The following SAMD3 variants were observed in gnomAD, a reference collection of about 807,000 sequenced individuals.
SAMD3 encodes the protein sterile alpha motif domain containing 3.
A neutral mutation model predicts 58.5 loss-of-function variants in SAMD3; 63 were observed. That is an observed-to-expected ratio of 1.08 (90% CI 0.88 to 1.33). SAMD3 has a LOEUF of 1.33. Ranked by LOEUF, SAMD3 falls within the 40% of genes most tolerant of loss-of-function variation. The probability of loss-of-function intolerance (pLI) is 0.00; values close to 1 mark genes in which losing one functional copy is unlikely to be tolerated. For synonymous variants in SAMD3, 220 were observed against 210.3 expected (o/e 1.05, Z -0.40); for missense variants, 604 against 608.4 (o/e 0.99, Z 0.08).
At chr6:130,290,725 C>T (rs1775334858) in intron 2 of SAMD3, among the ~76,000 whole-genome samples, 1 of 152,116 alleles carries the variant, frequency 6.6e-6, no homozygotes, top group South Asian at 2.1e-4. Flanking sequence ...CCTTACAGAG[C>T]TGTTGTGAGA....
chr6:130,350,187 C>T (rs1356882279), intron 1 of SAMD3, among the ~76,000 whole-genome samples: 1 of 152,186 alleles, frequency 6.6e-6, no homozygotes, highest in African/African-American at 2.4e-5. Context: ...TCTCTCACCA[C>T]TCCTATTCAA....
chr6:130,347,497 T>A (rs1242985989), intron 1 of SAMD3, among the ~76,000 whole-genome samples: 2 of 152,004 alleles, frequency 1.3e-5, no homozygotes, highest in African/African-American at 4.8e-5. Context: ...ATCAAATGAA[T>A]GAAACGAAGT....
At chr6:130,186,463 A>G (rs539373502) in intron 5 of SAMD3, among the ~76,000 whole-genome samples, 2 of 152,254 alleles carry the variant, frequency 1.3e-5, no homozygotes, top group Admixed American at 1.3e-4. Flanking sequence ...TGTCCTGGCT[A>G]AAATAAGCAC....
At chr6:130,272,861 G>A (rs7766914) in intron 2 of SAMD3, among the ~76,000 whole-genome samples, 5 of 152,118 alleles carry the variant, frequency 3.3e-5, no homozygotes, top group African/African-American at 9.7e-5. Flanking sequence ...AACTTTTAAC[G>A]ATGGCCTACT....
intron 2 of SAMD3, among the ~76,000 whole-genome samples, chr6:130,255,855 C>G (rs1239642781): frequency 7.0e-6 from 1 of 142,014 alleles, no homozygotes; most frequent in Admixed American, 7.1e-5. Flanking sequence ...TGGGTCTTGT[C>G]TTTTTTTTTT....
intron 8 of SAMD3, among the ~76,000 whole-genome samples, 159 bp from the exon 9 acceptor site, chr6:130,155,184 G>C (rs1392397876): frequency 2.0e-5 from 3 of 152,100 alleles, no homozygotes; most frequent in African/African-American, 7.2e-5. Flanking sequence ...AGTCTTTAAT[G>C]ACAATAAATT....
chr6:130,291,384 T>C (rs1021036804), intron 2 of SAMD3, among the ~76,000 whole-genome samples: 2 of 152,180 alleles, frequency 1.3e-5, no homozygotes, highest in African/African-American at 4.8e-5. Flanking sequence ...GGATTACAGG[T>C]GTGAGCCACC....
chr6:130,290,462 C>G (rs1775327387), intron 2 of SAMD3, among the ~76,000 whole-genome samples: 1 of 152,164 alleles, frequency 6.6e-6, no homozygotes, highest in Admixed American at 6.5e-5. Context: ...CGAGGTTTAC[C>G]TTTTAAATGT....
At chr6:130,350,722 T>A (rs890702638) in intron 1 of SAMD3, among the ~76,000 whole-genome samples, 1 of 152,194 alleles carries the variant, frequency 6.6e-6, no homozygotes, top group African/African-American at 2.4e-5. Flanking sequence ...GAAAAACTAC[T>A]TTAAAGTTCA....
intron 7 of SAMD3, chr6:130,183,392 G>T: frequency 2.2e-6 from 1 of 454,618 alleles, no homozygotes; most frequent in Non-Finnish European, 4.4e-6. Flanking sequence ...GCATCCTGAG[G>T]GTCTGTTTTT....
At chr6:130,207,529 C>T (rs1055858293) in intron 5 of SAMD3, among the ~76,000 whole-genome samples, 6 of 152,306 alleles carry the variant, frequency 3.9e-5, no homozygotes, top group Non-Finnish European at 7.3e-5. Flanking sequence ...TGTGGACTGG[C>T]TGCATTTAGC....
intron 5 of SAMD3, among the ~76,000 whole-genome samples, chr6:130,204,246 AG>A (rs1156257050): frequency 1.3e-5 from 2 of 152,172 alleles, no homozygotes; most frequent in Non-Finnish European, 2.9e-5. Context: ...ACTAAAAGAG[AG>A]GTGAACAGTT....
At chr6:130,336,513 A>G (rs1394997532) in intron 1 of SAMD3, among the ~76,000 whole-genome samples, 1 of 152,238 alleles carries the variant, frequency 6.6e-6, no homozygotes, top group Non-Finnish European at 1.5e-5. Flanking sequence ...AACTGGTTCC[A>G]TATTTATTTT....
At position 130,359,448 on chromosome 6, in the gene SAMD3, CCT is replaced by C. The variant is rs1174460596; in HGVS notation, c.-304+5670_-304+5671del. Among the ~76,000 whole-genome samples the C allele has an allele frequency of 2.0e-5, 3 of 152,248 alleles. No homozygotes were observed. The East Asian group carries it at 5.8e-4, about 29-fold the overall frequency. On this transcript the variant is annotated intron_variant, in intron 1 of 13. Coordinates refer to the SAMD3 transcript ENST00000368134. The stretch of plus-strand genomic sequence containing the variant: ...TTTCTGGAAATTGCACACACATTTC[CCT>C]CTCTTTGAATTCTGTTACATCCTTG...
rs1021139975 is a variant in SAMD3 at position 130,229,306 on chromosome 6, G to A, written c.-187-6493C>T. Among the ~76,000 whole-genome samples, 7 of 152,164 alleles carry A rather than the reference G, an allele frequency of 4.6e-5. No individual in the cohort carries two copies. The East Asian group carries it at 5.8e-4, about 13-fold the overall frequency. On this transcript the variant is annotated intron_variant, in intron 2 of 13. Transcript: ENST00000368134. ...ACCAAAGGTAAGATTCCCCACTAGAGCACCCATTCATTCCCAATGCCTTAG... is the reference window on the plus strand; with the variant it reads ...ACCAAAGGTAAGATTCCCCACTAGAACACCCATTCATTCCCAATGCCTTAG...
At chr6:130,299,944 T>C (rs1323955218) in intron 2 of SAMD3, among the ~76,000 whole-genome samples, 1 of 152,102 alleles carries the variant, frequency 6.6e-6, no homozygotes, top group African/African-American at 2.4e-5. Context: ...CAATAATTAA[T>C]TGTGAAATTG....
intron 5 of SAMD3, among the ~76,000 whole-genome samples, chr6:130,206,748 C>A (rs1223986749): frequency 6.6e-6 from 1 of 152,108 alleles, no homozygotes; most frequent in Non-Finnish European, 1.5e-5. Context: ...GTTTCCAAAC[C>A]CTTCTATTTC....
intron 7 of SAMD3, among the ~76,000 whole-genome samples, chr6:130,179,052 T>C (rs1324642728): frequency 6.6e-6 from 1 of 152,226 alleles, no homozygotes; most frequent in African/African-American, 2.4e-5. Context: ...ATATGTTTCC[T>C]GTAGCTCTGA....
chr6:130,211,653 G>A (rs1218959581), intron 4 of SAMD3, among the ~76,000 whole-genome samples: 1 of 151,948 alleles, frequency 6.6e-6, no homozygotes, highest in East Asian at 1.9e-4. Context: ...TGCCCTTCCA[G>A]TTCAAACCAA....
Sources: allele counts gnomAD v4.1 joint callset (sites outside exome capture counted in the v4.1 genomes callset), GRCh38; gene constraint gnomAD v4.1.1; transcripts MANE v1.5; gene names NCBI Gene and HGNC (gene_info 2026-07-23, HGNC 2026-07-21).